PREP: variants seen among roughly 807,000 people sequenced by gnomAD.
The protein encoded by PREP is dJ355L5.1 (prolyl endopeptidase).
In PREP, 29 loss-of-function variants were observed where a neutral mutation model predicts 87.6. The observed-to-expected ratio is 0.33, with a 90% CI of 0.25 to 0.45. The LOEUF (loss-of-function observed/expected upper bound fraction) is 0.45. Ranked by LOEUF, PREP falls within the 20% of genes least tolerant of loss-of-function variation. The pLI, the probability that PREP is intolerant of heterozygous loss-of-function variation, is 1.00. For missense variants in PREP, 695 were observed against 886.5 expected (o/e 0.78, Z 2.74); for synonymous variants, 337 against 328.6 (o/e 1.03, Z -0.28).
intron 10 of PREP, among the ~76,000 whole-genome samples, chr6:105,294,785 C>T (rs17468237): frequency 0.064 from 9,745 of 152,246 alleles, 435 homozygotes; most frequent in Admixed American, 0.12. Flanking sequence ...CTTGCTCTTT[C>T]GCCACTTCTG....
intron 2 of PREP, among the ~76,000 whole-genome samples, chr6:105,395,314 T>A (rs914950866): frequency 3.3e-5 from 5 of 152,184 alleles, no homozygotes; most frequent in Non-Finnish European, 7.3e-5. Context: ...CCCAGTCTTT[T>A]TACTTTTACT....
At chr6:105,323,282 A>C (rs1583055078) in intron 10 of PREP, among the ~76,000 whole-genome samples, 1 of 152,292 alleles carries the variant, frequency 6.6e-6, no homozygotes, top group East Asian at 1.9e-4. Context: ...GACTCACAGC[A>C]CTTAAGTCCA....
chr6:105,287,130 C>A (rs1281851760), intron 11 of PREP, among the ~76,000 whole-genome samples: 2 of 151,956 alleles, frequency 1.3e-5, no homozygotes, highest in African/African-American at 4.8e-5. Context: ...GTTGCTCTAC[C>A]TGAGGCTTGC....
At chr6:105,340,047 C>T (rs1419795051) in intron 7 of PREP, among the ~76,000 whole-genome samples, 3 of 152,072 alleles carry the variant, frequency 2.0e-5, no homozygotes, top group Non-Finnish European at 4.4e-5. Flanking sequence ...GAGAACGCCA[C>T]AGAGATACTC....
chr6:105,331,920 CAG>C (rs1182710964), intron 8 of PREP, among the ~76,000 whole-genome samples: 1 of 152,100 alleles, frequency 6.6e-6, no homozygotes, highest in Non-Finnish European at 1.5e-5. Flanking sequence ...CTGACACAGA[CAG>C]AGTATCGGTG....
intron 7 of PREP, among the ~76,000 whole-genome samples, chr6:105,348,186 C>T (rs1298209484): frequency 1.3e-5 from 2 of 151,520 alleles, no homozygotes; most frequent in Non-Finnish European, 2.9e-5. Context: ...CTTCTGCTCA[C>T]ACAATATAAA....
At chr6:105,281,991 C>T in intron 13 of PREP, 89 bp from the exon 14 acceptor site, 2 of 1,457,688 alleles carry the variant, frequency 1.4e-6, no homozygotes, top group South Asian at 1.4e-5. Flanking sequence ...TTACATGCTT[C>T]CAGAGCCCTG....
intron 10 of PREP, among the ~76,000 whole-genome samples, chr6:105,303,268 T>A (rs1174998850): frequency 1.3e-5 from 2 of 152,140 alleles, no homozygotes; most frequent in African/African-American, 4.8e-5. Flanking sequence ...TCTCATTACG[T>A]TGTCCAGGAT....
rs1465713960 is a variant in PREP, at chr6:105,275,153, T to C, written c.*2991A>G. 2.0e-5 allele frequency among the ~76,000 whole-genome samples: 3 copies of C among 152,148 alleles called. No individual in the cohort carries two copies. Among genetic ancestry groups the C allele is most frequent in the Non-Finnish European group, 4.4e-5 (3 of 68,020 alleles). ...GCCTCTTTACAGCAACCTCCACAGC[T>C]TTCCAGCCTGTCCTTAACCTGCCTT... On this transcript the variant is annotated 3_prime_UTR_variant, in exon 15 of 15. Transcript: ENST00000652536.
chr6:105,307,275 G>C (rs767855920), intron 10 of PREP, among the ~76,000 whole-genome samples: 2 of 151,942 alleles, frequency 1.3e-5, no homozygotes, highest in Non-Finnish European at 2.9e-5. Context: ...GTATGAATTT[G>C]TATGTATGAT....
chr6:105,331,360 A>G (rs1771330355), intron 8 of PREP, among the ~76,000 whole-genome samples: 1 of 152,194 alleles, frequency 6.6e-6, no homozygotes, highest in South Asian at 2.1e-4. Flanking sequence ...TTACATCTAT[A>G]AGATGGGATG....
intron 10 of PREP, among the ~76,000 whole-genome samples, chr6:105,300,246 C>T (rs1332568104): frequency 6.6e-6 from 1 of 152,084 alleles, no homozygotes; most frequent in East Asian, 1.9e-4. Context: ...ATTTCAAAAG[C>T]GATATTCCAG....
intron 2 of PREP, among the ~76,000 whole-genome samples, chr6:105,389,065 A>C (rs927748934): frequency 2.5e-4 from 38 of 152,248 alleles, no homozygotes; most frequent in African/African-American, 8.9e-4. Flanking sequence ...TGTGGATAAA[A>C]ATAAAAACAG....
In PREP at chr6:105,278,468, G is replaced by GGA. The variant is rs745753367; in HGVS notation, c.1839-32_1839-31dup. The GGA allele has an allele frequency of 4.4e-6, 7 of 1,587,684 alleles. No individual in the cohort carries two copies. The Middle Eastern group carries it at 1.0e-3, about 228-fold the overall frequency. On this transcript the variant is annotated intron_variant, in intron 14 of 14. Transcript: ENST00000652536. This position sits in a 1 kb window ranked among gnomAD's most constrained non-coding sequence, Gnocchi z 4.2. ...AAGGCAAAAACACCTTTGTGAGGCT[G>GGA]GAGAGCAACAGTAGAGTTTTATGGC...
intron 6 of PREP, among the ~76,000 whole-genome samples, chr6:105,365,062 C>T (rs1314053948): frequency 2.0e-5 from 3 of 152,268 alleles, no homozygotes; most frequent in Non-Finnish European, 2.9e-5. Flanking sequence ...CCCTGGCCAA[C>T]ATGGTAAAAT....
chr6:105,300,057 C>T (rs990152396), intron 10 of PREP, among the ~76,000 whole-genome samples: 7 of 152,098 alleles, frequency 4.6e-5, no homozygotes, highest in East Asian at 1.9e-4. Flanking sequence ...CCACCACACC[C>T]GGGTAACTTT....
chr6:105,366,642 T>A (rs1425864922), intron 6 of PREP, among the ~76,000 whole-genome samples: 1 of 152,252 alleles, frequency 6.6e-6, no homozygotes, highest in Non-Finnish European at 1.5e-5. Flanking sequence ...AAACACTAGC[T>A]GCTCACAGCA....
intron 8 of PREP, among the ~76,000 whole-genome samples, chr6:105,330,620 T>TGGGGGAC (rs1160886229): frequency 2.0e-5 from 3 of 151,708 alleles, no homozygotes; most frequent in African/African-American, 7.3e-5. Context: ...GACAGGGCTG[T>TGGGGGAC]AGGGGACAGG....
At chr6:105,329,079 A>T (rs573724189) in intron 8 of PREP, 53 bp from the exon 9 acceptor site, 2 of 1,503,492 alleles carry the variant, frequency 1.3e-6, no homozygotes, top group African/African-American at 2.8e-5. Flanking sequence ...ATTAATGAAA[A>T]CACATTTAAT....
Sources: gnomAD v4.1 joint callset for allele counts (sites outside exome capture counted in the v4.1 genomes callset) on GRCh38, gnomAD v4.1.1 for gene constraint, Gnocchi (gnomAD v3.1) non-coding constraint, MANE v1.5 for transcripts, NCBI Gene and HGNC (gene_info 2026-07-23, HGNC 2026-07-21) for gene names.